TCF7L1: variants seen among roughly 807,000 people sequenced by gnomAD.
TCF7L1 encodes transcription factor 7 like 1, also known as transcription factor 7-like 1.
TCF7L1 carries 18 observed loss-of-function variants against 63.7 expected under a neutral mutation model. That is an observed-to-expected ratio of 0.28 (90% CI 0.20 to 0.42). TCF7L1 has a LOEUF of 0.42. Among genes scored for constraint, TCF7L1 ranks in the 10% least tolerant of loss-of-function variants. The pLI, the probability that TCF7L1 is intolerant of heterozygous loss-of-function variation, is 1.00. For synonymous variants in TCF7L1, 355 were observed against 340.9 expected (o/e 1.04, Z -0.46); for missense variants, 654 against 779.3 (o/e 0.84, Z 1.91).
chr2:85,247,419 A>G (rs996306046), intron 3 of TCF7L1, among the ~76,000 whole-genome samples: 1 of 152,200 alleles, frequency 6.6e-6, no homozygotes, highest in African/African-American at 2.4e-5. Flanking sequence ...GTAAATTCCA[A>G]TCCCTTATAA....
intron 3 of TCF7L1, among the ~76,000 whole-genome samples, chr2:85,184,212 A>G (rs1678863231): frequency 1.3e-5 from 2 of 152,192 alleles, no homozygotes; most frequent in African/African-American, 2.4e-5. Context: ...GGCATTTTCC[A>G]TGGAGCGAGC....
rs1682149238 is a variant in TCF7L1 at position 85,307,658 on chromosome 2, G to C, written c.1274G>C (p.Arg425Thr). ...ARDNYGKKKK[R>T]KREKQLSQTQ... ...ATTTTCCAGGGTAAGAAAAAGAAGAGGAAGAGAGAAAAGCAGCTGTCCCAG... is the reference window on the plus strand; with the variant it reads ...ATTTTCCAGGGTAAGAAAAAGAAGACGAAGAGAGAAAAGCAGCTGTCCCAG... Residue 425 changes from arginine to threonine, a missense_variant, in exon 11 of 12, where the codon AGG becomes ACG. Arg to Thr is a moderately conservative substitution (Grantham distance 71). This residue lies in a region of TCF7L1 where 66 missense variants were observed against 120.5 expected (regional missense o/e 0.55). Coordinates refer to ENST00000282111, the MANE Select transcript of TCF7L1 (RefSeq NM_031283.3). 6.2e-7 allele frequency: 1 copy of C among 1,613,690 alleles called. No homozygotes were observed. Among genetic ancestry groups the C allele is most frequent in the African/African-American group, 1.3e-5 (1 of 74,910 alleles).
At chr2:85,270,019 C>T (rs532901517) in intron 3 of TCF7L1, among the ~76,000 whole-genome samples, 7 of 152,292 alleles carry the variant, frequency 4.6e-5, no homozygotes, top group South Asian at 2.1e-4. Flanking sequence ...TCCCATCTCC[C>T]GGTGCCCAGG....
rs1278648692 is a variant in TCF7L1, at chr2:85,133,852, C to T, written c.168C>T (p.Ala56=). 6.6e-7 allele frequency: 1 copy of T among 1,510,910 alleles called. No individual in the cohort carries two copies. 93.6% of individuals were successfully genotyped at this position (1,510,910 alleles called of 1,614,324 possible). The change falls in exon 1 of 12, where the codon GCC becomes GCT. Residue 56 remains alanine, a synonymous_variant. Transcript: ENST00000282111. The surrounding 1 kb of genome is among the most constrained non-coding windows in gnomAD (Gnocchi z 4.4). ...AGCAGGAGCCGAGCAGCGATAGCGC[C>T]TCGGCGCAGCGGGACCTAGACGAGG... ...GEEQEPSSDS[A]SAQRDLDEVK...
chr2:85,146,473 G>A (rs1677881058), intron 3 of TCF7L1, among the ~76,000 whole-genome samples: 2 of 150,860 alleles, frequency 1.3e-5, no homozygotes, highest in Admixed American at 1.3e-4. Context: ...CTTTTCAGTG[G>A]CATTTCTTTT....
At chr2:85,250,494 TG>T (rs1680562907) in intron 3 of TCF7L1, among the ~76,000 whole-genome samples, 1 of 152,062 alleles carries the variant, frequency 6.6e-6, no homozygotes, top group South Asian at 2.1e-4. Flanking sequence ...TGGAGTGCAG[TG>T]GTGCTATCTC....
chr2:85,277,355 C>T (rs1281819390), intron 3 of TCF7L1, among the ~76,000 whole-genome samples: 1 of 152,046 alleles, frequency 6.6e-6, no homozygotes, highest in Non-Finnish European at 1.5e-5. Context: ...TCTAAGAGGA[C>T]AAGGAGAGCA....
intron 3 of TCF7L1, among the ~76,000 whole-genome samples, chr2:85,201,841 T>A (rs1240192375): frequency 6.6e-6 from 1 of 152,228 alleles, no homozygotes; most frequent in Non-Finnish European, 1.5e-5. Flanking sequence ...TTGGTTTACC[T>A]TTTCCTGATG....
chr2:85,281,325 A>G (rs141021650), intron 3 of TCF7L1, among the ~76,000 whole-genome samples: 15 of 152,250 alleles, frequency 9.9e-5, no homozygotes, highest in African/African-American at 3.6e-4. Context: ...CGCCCGGCCT[A>G]GCTCCTTTTA....
rs1463404126 is a variant in TCF7L1 at position 85,241,453 on chromosome 2, T to G, written c.442-42042T>G. ...TTTGTTTTTGTTTTTTTTTTTTTTTTTTTTTTTTTTTTGAGATGGAGTTTC... is the reference window on the plus strand; with the variant it reads ...TTTGTTTTTGTTTTTTTTTTTTTTTGTTTTTTTTTTTTGAGATGGAGTTTC... On this transcript the variant is annotated intron_variant, in intron 3 of 11. Transcript: ENST00000282111. 1.6e-4 allele frequency among the ~76,000 whole-genome samples: 22 copies of G among 141,794 alleles called. 1 individual carries two copies. Among genetic ancestry groups the G allele is most frequent in the South Asian group, 7.0e-4 (3 of 4,290 alleles). The allele number at this position is 141,794 out of a possible 152,430, so 93.0% of individuals were successfully genotyped here.
intron 3 of TCF7L1, among the ~76,000 whole-genome samples, chr2:85,174,447 G>A (rs371001497): frequency 6.6e-6 from 1 of 152,308 alleles, no homozygotes; most frequent in East Asian, 1.9e-4. Flanking sequence ...CAAGGCTCAA[G>A]GCTAATGGGG....
rs769841793 is a variant in TCF7L1, at chr2:85,134,099, GC to G, written c.313+26del. 5.6e-6 allele frequency: 9 copies of G among 1,606,940 alleles called. No individual in the cohort carries two copies. Among genetic ancestry groups the G allele is most frequent in the South Asian group, 1.1e-5 (1 of 90,224 alleles). The stretch of plus-strand genomic sequence containing the variant: ...CCGAAGGTATGTGCCCGCTGGGACA[GC>G]CCCCCACTCTCGATTCCCGCTGCGC... On this transcript the variant is annotated intron_variant, in intron 2 of 11. Coordinates refer to ENST00000282111, the MANE Select transcript of TCF7L1 (RefSeq NM_031283.3). This position sits in a 1 kb window ranked among gnomAD's most constrained non-coding sequence, Gnocchi z 5.0.
At chr2:85,261,618 G>A (rs1345673492) in intron 3 of TCF7L1, among the ~76,000 whole-genome samples, 1 of 152,224 alleles carries the variant, frequency 6.6e-6, no homozygotes, top group Non-Finnish European at 1.5e-5. Context: ...GAAGCCAAGC[G>A]TGGTGGCTCA....
chr2:85,161,625 C>A (rs72932652), intron 3 of TCF7L1, among the ~76,000 whole-genome samples: 6,575 of 152,238 alleles, frequency 0.043, 420 homozygotes, highest in African/African-American at 0.14. Flanking sequence ...CAGGTTAACA[C>A]GTGAAGCTCA....
chr2:85,307,243 A>G (rs76090477), intron 10 of TCF7L1, among the ~76,000 whole-genome samples: 9,134 of 152,152 alleles, frequency 0.06, 326 homozygotes, highest in African/African-American at 0.088. Flanking sequence ...AACCAAGCCA[A>G]TTTTCGCATG....
At chr2:85,195,937 A>G (rs1017137217) in intron 3 of TCF7L1, among the ~76,000 whole-genome samples, 1 of 152,196 alleles carries the variant, frequency 6.6e-6, no homozygotes, top group African/African-American at 2.4e-5. Flanking sequence ...GTATCAGCTG[A>G]CTGAGATCAG....
intron 3 of TCF7L1, among the ~76,000 whole-genome samples, chr2:85,254,718 C>A (rs991427427): frequency 7.9e-5 from 12 of 152,176 alleles, no homozygotes; most frequent in African/African-American, 2.9e-4. Context: ...ACCCAAATAG[C>A]CTCGCCAATC....
chr2:85,266,197 G>A (rs79358639), intron 3 of TCF7L1, among the ~76,000 whole-genome samples: 1 of 152,290 alleles, frequency 6.6e-6, no homozygotes, highest in East Asian at 1.9e-4. Context: ...ATTATAAACA[G>A]CTCTTCAGTG....
chr2:85,222,108 G>A (rs186499687), intron 3 of TCF7L1, among the ~76,000 whole-genome samples: 51 of 152,040 alleles, frequency 3.4e-4, no homozygotes, highest in African/African-American at 1.1e-3. Context: ...TCTGGAGGCC[G>A]AGGAGGGTGG....
Sources: allele counts gnomAD v4.1 joint callset (sites outside exome capture counted in the v4.1 genomes callset), GRCh38; gene constraint gnomAD v4.1.1; regional missense constraint gnomAD v4.1.1; non-coding constraint Gnocchi (gnomAD v3.1); transcripts MANE v1.5; gene names NCBI Gene and HGNC (gene_info 2026-07-23, HGNC 2026-07-21).